Variants in ROBO2 observed in about 807,000 individuals in gnomAD.
The protein encoded by ROBO2 is roundabout homolog 2.
In ROBO2, 53 loss-of-function variants were observed where a neutral mutation model predicts 160.8. That is an observed-to-expected ratio of 0.33 (90% CI 0.26 to 0.41). The LOEUF (loss-of-function observed/expected upper bound fraction) is 0.41, where lower values mean the gene tolerates loss of function less well. Among genes scored for constraint, ROBO2 ranks in the 10% least tolerant of loss-of-function variants. The probability of loss-of-function intolerance (pLI) is 1.00; values close to 1 mark genes in which losing one functional copy is unlikely to be tolerated. For missense variants in ROBO2, 1,577 were observed against 1,722.4 expected, an observed-to-expected ratio of 0.92 and a Z score of 1.49; for synonymous variants, 664 against 611.7, an observed-to-expected ratio of 1.09 and a Z score of -1.26.
chr3:77,103,994 A>T (rs745359025), intron 2 of ROBO2, among the ~76,000 whole-genome samples: 2 of 152,196 alleles, frequency 1.3e-5, no homozygotes, highest in Non-Finnish European at 2.9e-5. Flanking sequence ...TCATAAAGAC[A>T]CAAGATAAAT....
intron 9 of ROBO2, 148 bp downstream of exon 10, chr3:77,558,297 G>T: frequency 1.4e-6 from 1 of 715,770 alleles, no homozygotes; most frequent in East Asian, 2.7e-5. Flanking sequence ...TTTTAAAAAT[G>T]ATGAAATGAA....
chr3:76,038,796 A>ATG (rs111997787), intron 2 of ROBO2, among the ~76,000 whole-genome samples: 164 of 149,676 alleles, frequency 1.1e-3, no homozygotes, highest in Middle Eastern at 0.01. Flanking sequence ...GTGTGTATGT[A>ATG]TGTGTGTGTG....
At chr3:76,589,773 A>C (rs1009287138) in intron 2 of ROBO2, among the ~76,000 whole-genome samples, 1 of 152,174 alleles carries the variant, frequency 6.6e-6, no homozygotes, top group Non-Finnish European at 1.5e-5. Flanking sequence ...TCAATGTTAG[A>C]TCCAAAAGCC....
At chr3:77,642,988 C>G in intron 24 of ROBO2, 45 bp downstream of exon 26, 1 of 446,950 alleles carries the variant, frequency 2.2e-6, no homozygotes, top group South Asian at 1.6e-5. Flanking sequence ...GTTACCATTT[C>G]TTTTCCTACC....
rs1419333908 is a variant in ROBO2, at chr3:76,942,045, A to G, written c.110-155969A>G. Among the ~76,000 whole-genome samples the G allele has an allele frequency of 5.9e-5, 9 of 152,212 alleles. No individual in the cohort carries two copies. In the East Asian group the frequency reaches 1.3e-3, roughly 23 times the overall value. On this transcript the variant is annotated intron_variant, in intron 2 of 26. Transcript: ENST00000487694. ...ATAAATGTTAAAGTCTTCCAGAAAG[A>G]TCCTGCTACCTGTTTTATTTCCAAA... is the stretch of plus-strand genomic sequence containing the variant.
intron 2 of ROBO2, among the ~76,000 whole-genome samples, chr3:76,378,583 A>G (rs2076464407): frequency 6.6e-6 from 1 of 152,204 alleles, no homozygotes; most frequent in Non-Finnish European, 1.5e-5. Flanking sequence ...GGTAGGATGC[A>G]CAAGAACACA....
At chr3:76,190,384 G>A (rs964364910) in intron 2 of ROBO2, among the ~76,000 whole-genome samples, 16 of 152,038 alleles carry the variant, frequency 1.1e-4, no homozygotes, top group Non-Finnish European at 2.1e-4. Flanking sequence ...TCCACAGTTG[G>A]TAGCAATAAA....
intron 2 of ROBO2, among the ~76,000 whole-genome samples, chr3:76,530,717 G>A (rs890023566): frequency 2.6e-5 from 4 of 152,106 alleles, no homozygotes; most frequent in Non-Finnish European, 5.9e-5. Flanking sequence ...AGTGAAATGT[G>A]TGCACAAACT....
At chr3:76,143,893 G>A (rs1335353263) in intron 2 of ROBO2, among the ~76,000 whole-genome samples, 2 of 152,030 alleles carry the variant, frequency 1.3e-5, no homozygotes, top group African/African-American at 4.8e-5. Flanking sequence ...TAGTTCCACT[G>A]TAAGGTGGGA....
intron 2 of ROBO2, among the ~76,000 whole-genome samples, chr3:77,028,735 A>T (rs2063130542): frequency 6.6e-6 from 1 of 152,084 alleles, no homozygotes; most frequent in South Asian, 2.1e-4. Context: ...AAGAAAAAAA[A>T]TCTGCCATCT....
At chr3:76,188,180 A>G (rs1701848504) in intron 2 of ROBO2, among the ~76,000 whole-genome samples, 2 of 151,952 alleles carry the variant, frequency 1.3e-5, no homozygotes, top group South Asian at 4.2e-4. Flanking sequence ...GTCCCCCAAA[A>G]GATATATTGA....
intron 2 of ROBO2, among the ~76,000 whole-genome samples, chr3:76,085,090 C>A (rs1365168892): frequency 6.8e-6 from 1 of 146,946 alleles, no homozygotes; most frequent in Non-Finnish European, 1.5e-5. Flanking sequence ...GTAACACAAA[C>A]CCCCCAGTTT....
intron 2 of ROBO2, among the ~76,000 whole-genome samples, chr3:76,544,346 T>C (rs953230423): frequency 2.0e-5 from 3 of 152,036 alleles, no homozygotes; most frequent in African/African-American, 7.2e-5. Context: ...TTTAATCTTT[T>C]AAAAAATGAA....
intron 2 of ROBO2, among the ~76,000 whole-genome samples, chr3:76,155,263 T>C (rs1245001855): frequency 1.3e-5 from 2 of 152,144 alleles, no homozygotes; most frequent in Non-Finnish European, 2.9e-5. Context: ...TGCCTACTGA[T>C]GAAAGAACAC....
At chr3:77,006,305 T>TTGTGTG (rs60754546) in intron 2 of ROBO2, among the ~76,000 whole-genome samples, 3,282 of 143,922 alleles carry the variant, frequency 0.023, 74 homozygotes, top group African/African-American at 0.051. Flanking sequence ...ATTTTAATAT[T>TTGTGTG]TGTGTGTGTG....
chr3:77,630,073 A>C (rs1329721213), intron 23 of ROBO2: 2 of 152,198 alleles, frequency 1.3e-5, no homozygotes, highest in Non-Finnish European at 1.5e-5. Context: ...TGATAACAGA[A>C]ATGGCATTTA....
chr3:77,605,123 C>A (rs1235429949), intron 20 of ROBO2, among the ~76,000 whole-genome samples: 2 of 149,626 alleles, frequency 1.3e-5, no homozygotes, highest in Admixed American at 6.7e-5. Flanking sequence ...GTGATCGCAC[C>A]ACTGCACTCC....
intron 2 of ROBO2, among the ~76,000 whole-genome samples, chr3:76,664,741 C>T (rs1216793729): frequency 2.6e-5 from 4 of 152,044 alleles, no homozygotes; most frequent in South Asian, 2.1e-4. Flanking sequence ...CATTGCTGGG[C>T]GCTGGACATC....
At chr3:76,960,556 T>C (rs530240954) in intron 2 of ROBO2, among the ~76,000 whole-genome samples, 1 of 152,186 alleles carries the variant, frequency 6.6e-6, no homozygotes, top group Admixed American at 6.5e-5. Context: ...TTCCAAAAGG[T>C]AAGACTATTA....
Sources: gnomAD v4.1 joint callset for allele counts (sites outside exome capture counted in the v4.1 genomes callset) on GRCh38, gnomAD v4.1.1 for gene constraint, MANE v1.5 for transcripts, NCBI Gene and HGNC (gene_info 2026-07-23, HGNC 2026-07-21) for gene names.